The following DKK2 variants were observed in gnomAD, a reference collection of about 807,000 sequenced individuals.
DKK2 encodes the protein dickkopf-related protein 2.
A neutral mutation model predicts 28.1 loss-of-function variants in DKK2; 11 were observed. The ratio of observed to expected loss-of-function variants is 0.39; its 90% CI spans 0.25 to 0.65. DKK2 has a LOEUF of 0.65. Ranked by LOEUF, DKK2 falls within the 30% of genes least tolerant of loss-of-function variation. The pLI is 0.47. For synonymous variants in DKK2, 135 were observed against 126.5 expected, an observed-to-expected ratio of 1.07 and a Z score of -0.45; for missense variants, 326 against 335.5, an observed-to-expected ratio of 0.97 and a Z score of 0.22.
intron 1 of DKK2, among the ~76,000 whole-genome samples, chr4:107,009,333 A>C (rs753687884): frequency 6.6e-6 from 1 of 152,022 alleles, no homozygotes; most frequent in Non-Finnish European, 1.5e-5. Context: ...TGTAAAGGTA[A>C]TGTTGCAACA....
intron 1 of DKK2, among the ~76,000 whole-genome samples, chr4:106,993,598 G>T (rs1723233789): frequency 6.6e-6 from 1 of 151,958 alleles, no homozygotes; most frequent in Admixed American, 6.6e-5. Flanking sequence ...AGTGATCACT[G>T]CTCTGAGCTG....
intron 1 of DKK2, among the ~76,000 whole-genome samples, chr4:107,029,773 G>T (rs937123096): frequency 1.3e-5 from 2 of 151,904 alleles, no homozygotes; most frequent in African/African-American, 4.8e-5. Context: ...GTACTTATTT[G>T]CTCATTGATT....
chr4:106,957,930 A>G (rs1452171735), intron 1 of DKK2, among the ~76,000 whole-genome samples: 1 of 150,782 alleles, frequency 6.6e-6, no homozygotes, highest in African/African-American at 2.4e-5. Flanking sequence ...TAATTAATTA[A>G]TTAATTAATT....
chr4:106,967,618 C>G (rs1380900094), intron 1 of DKK2, among the ~76,000 whole-genome samples: 1 of 152,096 alleles, frequency 6.6e-6, no homozygotes, highest in East Asian at 1.9e-4. Flanking sequence ...TGTTATGCCA[C>G]AGATCTGTCT....
intron 1 of DKK2, among the ~76,000 whole-genome samples, chr4:107,015,887 A>G (rs1261105893): frequency 6.6e-6 from 1 of 151,816 alleles, no homozygotes; most frequent in Non-Finnish European, 1.5e-5. Context: ...AAAACAAAAT[A>G]CAATTTCCCT....
intron 1 of DKK2, among the ~76,000 whole-genome samples, chr4:106,968,619 GTA>G (rs985719567): frequency 7.0e-4 from 41 of 58,716 alleles, no homozygotes; most frequent in Admixed American, 5.1e-3. Flanking sequence ...TTACTTTTAA[GTA>G]AAGTTTCTGT....
At chr4:106,976,897 G>A (rs1241452472) in intron 1 of DKK2, among the ~76,000 whole-genome samples, 1 of 151,898 alleles carries the variant, frequency 6.6e-6, no homozygotes, top group African/African-American at 2.4e-5. Context: ...ATTCCATATT[G>A]AGTGCTTTTT....
chr4:106,939,929 C>T (rs1278174446), intron 1 of DKK2, among the ~76,000 whole-genome samples: 2 of 152,124 alleles, frequency 1.3e-5, no homozygotes, highest in Admixed American at 6.6e-5. Flanking sequence ...AAACTGGATC[C>T]CTTCCTTATA....
chr4:106,935,605 G>A (rs1318993342), intron 1 of DKK2, among the ~76,000 whole-genome samples: 1 of 152,214 alleles, frequency 6.6e-6, no homozygotes, highest in Non-Finnish European at 1.5e-5. Flanking sequence ...CAACTGGGTG[G>A]AGCCCACCAC....
intron 1 of DKK2, among the ~76,000 whole-genome samples, chr4:106,954,665 G>A (rs940072237): frequency 6.6e-6 from 1 of 152,088 alleles, no homozygotes; most frequent in Admixed American, 6.6e-5. Flanking sequence ...GGGACTACAG[G>A]TGTGTGCCAC....
intron 1 of DKK2, among the ~76,000 whole-genome samples, chr4:106,940,286 A>C (rs1724673814): frequency 1.3e-5 from 2 of 152,224 alleles, no homozygotes; most frequent in Non-Finnish European, 2.9e-5. Context: ...ACCCCATCAA[A>C]AAGTGGGCAA....
intron 1 of DKK2, among the ~76,000 whole-genome samples, chr4:106,936,495 G>A (rs1202073200): frequency 1.3e-5 from 2 of 152,220 alleles, no homozygotes; most frequent in Non-Finnish European, 2.9e-5. Flanking sequence ...TCTCACTGGT[G>A]TACCTGAAAG....
rs1723915873 is a variant in DKK2, at chr4:107,033,746, G to A, written c.222+1624C>T. 2.0e-5 allele frequency among the ~76,000 whole-genome samples: 3 copies of A among 152,070 alleles called. No individual in the cohort carries two copies. The South Asian group carries it at 6.2e-4, about 32-fold the overall frequency. ...GGGAACATGAAATTTGAAGTCAGTAGCATTAGAGGAGTCATGATTTGGATT... is the reference window on the plus strand; with the variant it reads ...GGGAACATGAAATTTGAAGTCAGTAACATTAGAGGAGTCATGATTTGGATT... On this transcript the variant is annotated intron_variant, in intron 1 of 3. Coordinates refer to ENST00000285311, the MANE Select transcript of DKK2 (RefSeq NM_014421.3).
At chr4:106,958,830 T>G (rs796308068) in intron 1 of DKK2, among the ~76,000 whole-genome samples, 1 of 107,136 alleles carries the variant, frequency 9.3e-6, no homozygotes, top group African/African-American at 3.6e-5. Flanking sequence ...AGAGTGAAAC[T>G]CAATCTCAAA....
At chr4:107,010,051 T>C (rs796407831) in intron 1 of DKK2, among the ~76,000 whole-genome samples, 3 of 151,906 alleles carry the variant, frequency 2.0e-5, no homozygotes, top group African/African-American at 7.2e-5. Context: ...CTTCATAGCC[T>C]TATATTAGCT....
intron 1 of DKK2, among the ~76,000 whole-genome samples, chr4:107,032,794 C>T (rs533451625): frequency 2.0e-5 from 3 of 152,246 alleles, no homozygotes; most frequent in East Asian, 1.9e-4. Context: ...TTAGTTGACA[C>T]ATTAATTCCA....
Position 106,923,813 on chromosome 4 carries a change from C to G in DKK2, c.*141G>C. On this transcript the variant is annotated 3_prime_UTR_variant, in exon 4 of 4. Coordinates refer to ENST00000285311, the MANE Select transcript of DKK2 (RefSeq NM_014421.3). Reference sequence around the variant, plus strand: ...TCTATTCAGTTCATGTTTTCTTTCTCCCTTTTTGTGATCATCTATATTCTT... The same window carrying G: ...TCTATTCAGTTCATGTTTTCTTTCTGCCTTTTTGTGATCATCTATATTCTT... 1 of 1,189,322 alleles carries G rather than the reference C, an allele frequency of 8.4e-7. No homozygotes were observed. Among genetic ancestry groups the G allele is most frequent in the South Asian group, 1.5e-5 (1 of 64,808 alleles). 73.7% of individuals were successfully genotyped at this position (1,189,322 alleles called of 1,614,324 possible). A position where few individuals can be genotyped will look rare whatever the true frequency, so the allele number is the denominator to read the frequency against.
chr4:106,999,854 C>A (rs1310693022), intron 1 of DKK2, among the ~76,000 whole-genome samples: 1 of 151,914 alleles, frequency 6.6e-6, no homozygotes, highest in Non-Finnish European at 1.5e-5. Context: ...ATAAATGGAG[C>A]ATTTTAAATT....
intron 1 of DKK2, among the ~76,000 whole-genome samples, chr4:106,952,298 T>C (rs562534472): frequency 6.6e-6 from 1 of 152,300 alleles, no homozygotes; most frequent in South Asian, 2.1e-4. Flanking sequence ...AAGTTTTATT[T>C]AATGCTGTGA....
Sources: allele counts gnomAD v4.1 joint callset (sites outside exome capture counted in the v4.1 genomes callset), GRCh38; gene constraint gnomAD v4.1.1; transcripts MANE v1.5; gene names NCBI Gene and HGNC (gene_info 2026-07-23, HGNC 2026-07-21).